USH2A: variants seen among roughly 807,000 people sequenced by gnomAD.
USH2A encodes the protein usherin, also known as Usher syndrome 2A (autosomal recessive, mild).
In USH2A, 443 loss-of-function variants were observed where a neutral mutation model predicts 538.9. The ratio of observed to expected loss-of-function variants is 0.82; its 90% CI spans 0.76 to 0.89. The LOEUF (loss-of-function observed/expected upper bound fraction) is 0.89, where lower values mean the gene tolerates loss of function less well. Ranked by LOEUF, USH2A falls within the 40% of genes least tolerant of loss-of-function variation. The probability of loss-of-function intolerance (pLI) is 0.00; values close to 1 mark genes in which losing one functional copy is unlikely to be tolerated. For synonymous variants in USH2A, 2,413 were observed against 2,273.5 expected, an observed-to-expected ratio of 1.06 and a Z score of -1.75; for missense variants, 6,633 against 6,324.8, an observed-to-expected ratio of 1.05 and a Z score of -1.65.
At chr1:215,978,240 T>C (rs1421864448) in intron 35 of USH2A, among the ~76,000 whole-genome samples, 3 of 152,200 alleles carry the variant, frequency 2.0e-5, no homozygotes, top group Non-Finnish European at 2.9e-5. Flanking sequence ...GAATTGTTGT[T>C]GTCATTGCTG....
chr1:216,132,088 T>C (rs1257672944), intron 21 of USH2A, among the ~76,000 whole-genome samples: 1 of 152,046 alleles, frequency 6.6e-6, no homozygotes, highest in Admixed American at 6.6e-5. Context: ...ATACAACCTC[T>C]CATTCCTTTT....
intron 11 of USH2A, among the ~76,000 whole-genome samples, chr1:216,258,002 T>C (rs2036291568): frequency 6.6e-6 from 1 of 151,354 alleles, no homozygotes; most frequent in South Asian, 2.1e-4. Context: ...TTCTAACATT[T>C]CTCACAATTC....
chr1:215,711,976 T>A (rs1659349000), intron 61 of USH2A, among the ~76,000 whole-genome samples: 1 of 152,158 alleles, frequency 6.6e-6, no homozygotes, highest in Non-Finnish European at 1.5e-5. Flanking sequence ...CCTAACAACT[T>A]TAATTTCTGG....
intron 21 of USH2A, among the ~76,000 whole-genome samples, chr1:216,103,446 AT>A (rs1474520369): frequency 6.6e-6 from 1 of 152,246 alleles, no homozygotes; most frequent in Non-Finnish European, 1.5e-5. Flanking sequence ...AATGTAAGAC[AT>A]TTCAAAATGA....
chr1:215,724,100 C>CATCTAT (rs1421734286), intron 61 of USH2A, among the ~76,000 whole-genome samples: 1 of 142,886 alleles, frequency 7.0e-6, no homozygotes, highest in African/African-American at 2.6e-5. Flanking sequence ...ATATCTATAT[C>CATCTAT]ATCTATATCT....
At chr1:216,217,943 T>C (rs1402746876) in intron 14 of USH2A, among the ~76,000 whole-genome samples, 1 of 152,080 alleles carries the variant, frequency 6.6e-6, no homozygotes, top group East Asian at 1.9e-4. Flanking sequence ...TAGGTACCCA[T>C]AAAATTATCT....
intron 3 of USH2A, among the ~76,000 whole-genome samples, chr1:216,370,701 A>AAAAAAAAAAAAAAAAAAAAAAG (rs1208265115): frequency 6.6e-6 from 1 of 150,380 alleles, no homozygotes; most frequent in South Asian, 2.1e-4. Context: ...AAAAAAAAAA[A>AAAAAAAAAAAAAAAAAAAAAAG]ATACTCAAGG....
At chr1:216,183,118 T>C (rs2034525650) in intron 20 of USH2A, among the ~76,000 whole-genome samples, 1 of 152,098 alleles carries the variant, frequency 6.6e-6, no homozygotes, top group African/African-American at 2.4e-5. Flanking sequence ...ATCCAACTCA[T>C]TTTCTTCAAT....
chr1:215,725,457 A>C (rs1414058739), intron 61 of USH2A, among the ~76,000 whole-genome samples: 1 of 152,202 alleles, frequency 6.6e-6, no homozygotes, highest in African/African-American at 2.4e-5. Flanking sequence ...GATGCCCTGA[A>C]AACGTGGTCC....
rs186383207 is a variant in USH2A at position 216,140,395 on chromosome 1, T to G, written c.4627+34857A>C. 1.5e-3 allele frequency among the ~76,000 whole-genome samples: 223 copies of G among 152,338 alleles called. 1 individual carries two copies. The highest frequency in any genetic ancestry group is 5.2e-3 in the African/African-American group (216 of 41,584). ...CTTCTTAGGGCCATAGATTGTGCCG[T>G]GTCTGCTTAGACATCTGTATATTTT... On this transcript the variant is annotated intron_variant, in intron 21 of 71. Transcript: ENST00000307340.
At chr1:216,257,839 T>C (rs150120133) in intron 11 of USH2A, among the ~76,000 whole-genome samples, 2 of 152,194 alleles carry the variant, frequency 1.3e-5, no homozygotes, top group African/African-American at 4.8e-5. Flanking sequence ...GTTTAATGTA[T>C]AATCAATTAT....
chr1:216,321,688 A>G (rs1319151737), intron 9 of USH2A, among the ~76,000 whole-genome samples, 195 bp downstream of exon 9: 3 of 152,198 alleles, frequency 2.0e-5, no homozygotes, highest in East Asian at 3.9e-4. Context: ...GGCTGAAATT[A>G]TTTTTAAAAA....
At chr1:216,148,760 C>A (rs1213880971) in intron 21 of USH2A, among the ~76,000 whole-genome samples, 1 of 151,412 alleles carries the variant, frequency 6.6e-6, no homozygotes, top group East Asian at 1.9e-4. Flanking sequence ...ATCCTCAATA[C>A]CTGCCTCTAC....
chr1:216,118,737 A>G (rs2033064703), intron 21 of USH2A, among the ~76,000 whole-genome samples: 1 of 152,194 alleles, frequency 6.6e-6, no homozygotes, highest in Admixed American at 6.5e-5. Context: ...CTGATCTACA[A>G]ACTCTGCTGG....
At chr1:215,956,864 C>T (rs1667080653) in intron 37 of USH2A, among the ~76,000 whole-genome samples, 1 of 152,160 alleles carries the variant, frequency 6.6e-6, no homozygotes. Flanking sequence ...CCTAATTAAA[C>T]ATTTCTATAG....
intron 37 of USH2A, among the ~76,000 whole-genome samples, chr1:215,939,356 A>G (rs1666578303): frequency 6.6e-6 from 1 of 152,186 alleles, no homozygotes; most frequent in Admixed American, 6.5e-5. Flanking sequence ...AGGTTAATTC[A>G]TTCAGTCCTA....
At chr1:215,821,062 G>A (rs1295237291) in intron 47 of USH2A, among the ~76,000 whole-genome samples, 1 of 151,652 alleles carries the variant, frequency 6.6e-6, no homozygotes, top group Non-Finnish European at 1.5e-5. Context: ...GAGTACAGGT[G>A]TCTTTTCAAT....
chr1:216,117,967 A>G (rs1444027932), intron 21 of USH2A, among the ~76,000 whole-genome samples: 1 of 151,984 alleles, frequency 6.6e-6, no homozygotes, highest in Non-Finnish European at 1.5e-5. Context: ...TTCTTTGGTA[A>G]AAGTGAAAAA....
At chr1:215,874,634 C>T (rs1262591113) in intron 43 of USH2A, among the ~76,000 whole-genome samples, 2 of 152,134 alleles carry the variant, frequency 1.3e-5, no homozygotes. Flanking sequence ...TATTTACTGT[C>T]ACAAATATAT....
Sources: allele counts gnomAD v4.1 joint callset (sites outside exome capture counted in the v4.1 genomes callset), GRCh38; gene constraint gnomAD v4.1.1; transcripts MANE v1.5; gene names NCBI Gene and HGNC (gene_info 2026-07-23, HGNC 2026-07-21).